Variants in TRIM44 observed in about 807,000 individuals in gnomAD.
TRIM44 encodes tripartite motif-containing protein 44.
Under a neutral mutation model 37.4 loss-of-function variants are expected in TRIM44, and 13 were observed. That is an observed-to-expected ratio of 0.35 (90% CI 0.23 to 0.55). The LOEUF is 0.55. TRIM44 is among the 20% of genes least tolerant of loss of function. TRIM44 has a pLI of 0.89. For synonymous variants in TRIM44, 175 were observed against 157.2 expected (o/e 1.11, Z -0.85); for missense variants, 426 against 437.2 (o/e 0.97, Z 0.23).
intron 2 of TRIM44, among the ~76,000 whole-genome samples, chr11:35,704,228 C>T (rs754767549): frequency 8.5e-5 from 13 of 152,072 alleles, no homozygotes; most frequent in East Asian, 1.9e-4. Flanking sequence ...TAAAAAGGAA[C>T]GAACAAAGCC....
chr11:35,702,754 A>G (rs941223783), intron 2 of TRIM44, among the ~76,000 whole-genome samples: 1 of 152,228 alleles, frequency 6.6e-6, no homozygotes, highest in African/African-American at 2.4e-5. Context: ...AGACGATACA[A>G]TAGTTCTTAT....
At chr11:35,732,284 T>G (rs569303203) in intron 3 of TRIM44, among the ~76,000 whole-genome samples, 1 of 152,196 alleles carries the variant, frequency 6.6e-6, no homozygotes, top group Non-Finnish European at 1.5e-5. Context: ...AATGGGAGGT[T>G]GCACAAGAGT....
chr11:35,721,334 A>C (rs528323804), intron 2 of TRIM44, among the ~76,000 whole-genome samples: 1 of 152,364 alleles, frequency 6.6e-6, no homozygotes, highest in East Asian at 1.9e-4. Context: ...TGGACTGAGA[A>C]GTGAAAAAGA....
chr11:35,764,935 A>G (rs981172635), intron 4 of TRIM44, among the ~76,000 whole-genome samples: 8 of 151,914 alleles, frequency 5.3e-5, no homozygotes, highest in African/African-American at 1.9e-4. Context: ...TTAAAAAAAA[A>G]CCTCCTTCTC....
intron 4 of TRIM44, among the ~76,000 whole-genome samples, chr11:35,776,900 G>T (rs981893259): frequency 1.3e-5 from 2 of 152,236 alleles, no homozygotes; most frequent in Admixed American, 6.5e-5. Flanking sequence ...TGGAATAAGT[G>T]CGATGTGGTG....
chr11:35,700,161 G>T (rs571959917), intron 2 of TRIM44, among the ~76,000 whole-genome samples: 3 of 152,186 alleles, frequency 2.0e-5, no homozygotes, highest in Admixed American at 2.0e-4. Flanking sequence ...ACCTTTTATA[G>T]CCCTTTACTA....
chr11:35,810,245 C>G lies in TRIM44; in HGVS notation c.*3860C>G, dbSNP rs897216082. ...TAGTTGTGGCAGGGTCTAGGAAGTC[C>G]TCTCTCCCCAAGTAGAAAATATTCT... On this transcript the variant is annotated 3_prime_UTR_variant, in exon 5 of 5. Coordinates refer to ENST00000299413, the MANE Select transcript of TRIM44 (RefSeq NM_017583.6). 1 of 152,134 alleles carries G rather than the reference C, an allele frequency of 6.6e-6. No individual in the cohort carries two copies. The highest frequency in any genetic ancestry group is 1.5e-5 in the Non-Finnish European group (1 of 68,028). The allele number at this position is 152,134 out of a possible 1,614,324, so 9.4% of individuals were successfully genotyped here.
At chr11:35,741,527 C>T (rs1225846999) in intron 4 of TRIM44, among the ~76,000 whole-genome samples, 1 of 152,108 alleles carries the variant, frequency 6.6e-6, no homozygotes, top group Non-Finnish European at 1.5e-5. Context: ...CTAGAAGCAG[C>T]CTATATTTTT....
chr11:35,792,024 C>T (rs185919711), intron 4 of TRIM44, among the ~76,000 whole-genome samples: 1 of 150,570 alleles, frequency 6.6e-6, no homozygotes, highest in Non-Finnish European at 1.5e-5. Context: ...TTTGCATCAA[C>T]TCTTAAGAGG....
At chr11:35,743,863 T>G (rs1590561950) in intron 4 of TRIM44, among the ~76,000 whole-genome samples, 1 of 152,206 alleles carries the variant, frequency 6.6e-6, no homozygotes, top group African/African-American at 2.4e-5. Flanking sequence ...AAAGGTGCCC[T>G]TTCCTCAAGA....
chr11:35,796,606 C>G (rs896628563), intron 4 of TRIM44, among the ~76,000 whole-genome samples: 1 of 152,120 alleles, frequency 6.6e-6, no homozygotes, highest in East Asian at 1.9e-4. Context: ...CTCTCCACCC[C>G]CTGAAATTGC....
At chr11:35,754,813 G>A (rs1852610609) in intron 4 of TRIM44, among the ~76,000 whole-genome samples, 1 of 152,216 alleles carries the variant, frequency 6.6e-6, no homozygotes, top group African/African-American at 2.4e-5. Context: ...CTTCATCCAT[G>A]TCCCTACAAA....
chr11:35,696,372 G>C (rs1008889346), intron 2 of TRIM44, among the ~76,000 whole-genome samples: 2 of 151,298 alleles, frequency 1.3e-5, no homozygotes, highest in Non-Finnish European at 2.9e-5. Context: ...TCGATCTCCT[G>C]ACCTCGTGAT....
rs1473309325 is a variant in TRIM44, at chr11:35,808,636, G to C, written c.*2251G>C. 2 of 152,164 alleles carry C rather than the reference G, an allele frequency of 1.3e-5. No individual in the cohort carries two copies. The highest frequency in any genetic ancestry group is 3.8e-4 in the East Asian group (2 of 5,196). 9.4% of individuals were successfully genotyped at this position (152,164 alleles called of 1,614,324 possible). On this transcript the variant is annotated 3_prime_UTR_variant, in exon 5 of 5. Coordinates refer to ENST00000299413, the MANE Select transcript of TRIM44 (RefSeq NM_017583.6). The stretch of plus-strand genomic sequence containing the variant: ...TCTCAGTAACTTATCATATCTCTGT[G>C]ATCCTCAAGGAAAGCACTTTTGCTT...
At chr11:35,685,178 T>C in intron 1 of TRIM44, 81 bp from the exon 2 acceptor site, 2 of 1,225,968 alleles carry the variant, frequency 1.6e-6, no homozygotes, top group Admixed American at 3.8e-5. Flanking sequence ...GCTTTCTATT[T>C]CATTGTCTTC....
At chr11:35,705,956 A>C (rs375466180) in intron 2 of TRIM44, among the ~76,000 whole-genome samples, 1 of 148,926 alleles carries the variant, frequency 6.7e-6, no homozygotes, top group South Asian at 2.2e-4. Flanking sequence ...ACCTTCAAAA[A>C]ATTAATGAAT....
chr11:35,676,647 G>A (rs547554884), intron 1 of TRIM44, among the ~76,000 whole-genome samples: 26 of 152,280 alleles, frequency 1.7e-4, no homozygotes, highest in Non-Finnish European at 4.4e-5. Flanking sequence ...TTTACTTTCT[G>A]GTTGGAAAAT....
chr11:35,686,511 A>G (rs967183473), intron 2 of TRIM44, among the ~76,000 whole-genome samples: 1 of 151,968 alleles, frequency 6.6e-6, no homozygotes, highest in East Asian at 1.9e-4. Flanking sequence ...GTACAGTTCA[A>G]TGGCATTAAG....
chr11:35,683,277 A>G (rs945287493), intron 1 of TRIM44, among the ~76,000 whole-genome samples: 1 of 152,132 alleles, frequency 6.6e-6, no homozygotes, highest in Non-Finnish European at 1.5e-5. Context: ...AAAAAATAGA[A>G]CTTATTAAAA....
Sources: allele counts gnomAD v4.1 joint callset (sites outside exome capture counted in the v4.1 genomes callset), GRCh38; gene constraint gnomAD v4.1.1; transcripts MANE v1.5; gene names NCBI Gene and HGNC (gene_info 2026-07-23, HGNC 2026-07-21).